RAD54B: variants seen among roughly 807,000 people sequenced by gnomAD.
The protein encoded by RAD54B is DNA repair and recombination protein RAD54B.
A neutral mutation model predicts 95.8 loss-of-function variants in RAD54B; 78 were observed. The ratio of observed to expected loss-of-function variants is 0.81; its 90% CI spans 0.68 to 0.98. The LOEUF is 0.98. RAD54B is among the 50% of genes least tolerant of loss of function. The pLI, the probability that RAD54B is intolerant of heterozygous loss-of-function variation, is 0.00. For missense variants in RAD54B, 957 were observed against 1,056.6 expected (o/e 0.91, Z 1.31); for synonymous variants, 328 against 354.9 (o/e 0.92, Z 0.85).
chr8:94,449,026 G>C (rs1812588441), intron 3 of RAD54B, among the ~76,000 whole-genome samples: 2 of 144,052 alleles, frequency 1.4e-5, no homozygotes, highest in African/African-American at 5.3e-5. Context: ...GTGTGCACAT[G>C]CATATACATA....
At chr8:94,427,103 TA>T (rs1811961037) in intron 3 of RAD54B, among the ~76,000 whole-genome samples, 1 of 152,038 alleles carries the variant, frequency 6.6e-6, no homozygotes, top group Non-Finnish European at 1.5e-5. Flanking sequence ...TTCTTAATGT[TA>T]GGGGAAAAAA....
At chr8:94,444,652 C>G (rs1380681445) in intron 3 of RAD54B, among the ~76,000 whole-genome samples, 1 of 152,176 alleles carries the variant, frequency 6.6e-6, no homozygotes, top group African/African-American at 2.4e-5. Context: ...TCCACTCAGC[C>G]CTGGAATACC....
intron 7 of RAD54B, 111 bp from the exon 8 acceptor site, chr8:94,399,732 T>A: frequency 3.7e-6 from 5 of 1,368,630 alleles, no homozygotes; most frequent in Non-Finnish European, 4.8e-6. Context: ...GTGTTAACTC[T>A]TTCTGTCTTA....
rs994739822 is a variant in RAD54B, at chr8:94,425,218, C to G, written c.305-13903G>C. Among the ~76,000 whole-genome samples, 13 of 148,770 alleles carry G rather than the reference C, an allele frequency of 8.7e-5. 1 individual carries two copies. Among genetic ancestry groups the G allele is most frequent in the Non-Finnish European group, 1.5e-4 (10 of 67,540 alleles). ...TAATTGTACAACCCATAAACCTAAGCCTTTAATATTCTTTTTTTTTTTTTT... is the reference window on the plus strand; with the variant it reads ...TAATTGTACAACCCATAAACCTAAGGCTTTAATATTCTTTTTTTTTTTTTT... On this transcript the variant is annotated intron_variant, in intron 3 of 14. Transcript: ENST00000336148.
intron 8 of RAD54B, among the ~76,000 whole-genome samples, chr8:94,397,355 G>C (rs1811172801): frequency 6.6e-6 from 1 of 152,036 alleles, no homozygotes; most frequent in South Asian, 2.1e-4. Context: ...CCAACTATGA[G>C]TATTTCTAAA....
rs1301279596 is a variant in RAD54B, at chr8:94,377,845, G to A, written c.2515+335C>T. 2.0e-5 allele frequency among the ~76,000 whole-genome samples: 3 copies of A among 149,126 alleles called. No homozygotes were observed. In the East Asian group the frequency reaches 6.0e-4, roughly 30 times the overall value. On this transcript the variant is annotated intron_variant, in intron 14 of 14. Transcript: ENST00000336148. ...CAAAAAATTAGCCGGGCGTGGTAGCGGGCGCCTGTAGTCCCAGCTACTCGG... is the reference window on the plus strand; with the variant it reads ...CAAAAAATTAGCCGGGCGTGGTAGCAGGCGCCTGTAGTCCCAGCTACTCGG...
At chr8:94,430,789 C>A in intron 3 of RAD54B, 6 of 985,350 alleles carry the variant, frequency 6.1e-6, no homozygotes, top group African/African-American at 1.7e-5. Flanking sequence ...GGTTTATCCC[C>A]GCATGTGAAA....
intron 3 of RAD54B, 82 bp from the exon 4 acceptor site, chr8:94,411,397 C>T (rs1003985529): frequency 2.6e-5 from 28 of 1,062,390 alleles, no homozygotes; most frequent in Non-Finnish European, 3.6e-5. Flanking sequence ...AACCAAAAGG[C>T]ACAAGAAAAT....
chr8:94,436,770 A>G (rs1812275512), intron 3 of RAD54B: 4 of 1,550,364 alleles, frequency 2.6e-6, no homozygotes, highest in Non-Finnish European at 3.5e-6. Flanking sequence ...AATGTTTATT[A>G]GTGTGTTCTT....
chr8:94,423,067 C>T (rs1007282932), intron 3 of RAD54B, among the ~76,000 whole-genome samples: 4 of 151,644 alleles, frequency 2.6e-5, no homozygotes, highest in African/African-American at 9.7e-5. Flanking sequence ...CCATTATTAC[C>T]CAATTTTTAT....
rs1811425761 is a variant in RAD54B, at chr8:94,407,611, G to A, written c.609C>T (p.Ser203=). 6.2e-7 allele frequency: 1 copy of A among 1,613,880 alleles called. No individual in the cohort carries two copies. Among genetic ancestry groups the A allele is most frequent in the Non-Finnish European group, 8.5e-7 (1 of 1,179,950 alleles). The change falls in exon 5 of 15, where the codon AGC becomes AGT. Residue 203 remains serine, a synonymous_variant. Transcript: ENST00000336148. The stretch of plus-strand genomic sequence containing the variant: ...CTCCAAGCTGAAAACACCTGCCACT[G>A]CTGAAGTCATCTGGAGAGATTACAC... ...VMGVISPDDF[S]SGRCFQLGGG...
At chr8:94,425,278 C>T (rs371945965) in intron 3 of RAD54B, among the ~76,000 whole-genome samples, 4 of 139,832 alleles carry the variant, frequency 2.9e-5, no homozygotes, top group Middle Eastern at 4.0e-3. Context: ...TGGTCTCCAA[C>T]TCCTGGACTC....
intron 3 of RAD54B, among the ~76,000 whole-genome samples, chr8:94,441,303 C>T (rs1243500919): frequency 6.6e-6 from 1 of 152,144 alleles, no homozygotes; most frequent in African/African-American, 2.4e-5. Context: ...GTCTGTGGCT[C>T]GTCCTGCTAC....
intron 3 of RAD54B, among the ~76,000 whole-genome samples, chr8:94,421,204 G>A (rs751484044): frequency 3.9e-5 from 6 of 152,150 alleles, no homozygotes; most frequent in Admixed American, 6.6e-5. Flanking sequence ...CACAGGTTGT[G>A]TTTTTAGTCC....
chr8:94,372,912 T>C (rs1810476889), intron 14 of RAD54B: 1 of 152,524 alleles, frequency 6.6e-6, no homozygotes, highest in Admixed American at 6.5e-5. Flanking sequence ...AAAAAAACCT[T>C]TTGAGCTTTC....
At chr8:94,449,378 C>T (rs941913591) in intron 3 of RAD54B, among the ~76,000 whole-genome samples, 3 of 151,930 alleles carry the variant, frequency 2.0e-5, no homozygotes, top group African/African-American at 4.8e-5. Context: ...GAGGCAGAGA[C>T]GGACGGACCA....
chr8:94,459,582 G>T (rs919620060), intron 2 of RAD54B, among the ~76,000 whole-genome samples: 1 of 152,246 alleles, frequency 6.6e-6, no homozygotes, highest in East Asian at 1.9e-4. Flanking sequence ...ACAAGAGGCC[G>T]GGCGCAGTGG....
intron 3 of RAD54B, among the ~76,000 whole-genome samples, chr8:94,446,933 T>G (rs1706630600): frequency 6.6e-6 from 1 of 151,634 alleles, no homozygotes; most frequent in African/African-American, 2.4e-5. Flanking sequence ...CATAAGATTA[T>G]GTTTGATATA....
chr8:94,404,376 G>T, intron 5 of RAD54B, 137 bp from the exon 6 acceptor site: 1 of 683,880 alleles, frequency 1.5e-6, no homozygotes, highest in Non-Finnish European at 2.2e-6. Context: ...TCACAGTAAT[G>T]TTACCCAAGG....
Sources: allele counts gnomAD v4.1 joint callset (sites outside exome capture counted in the v4.1 genomes callset), GRCh38; gene constraint gnomAD v4.1.1; transcripts MANE v1.5; gene names NCBI Gene and HGNC (gene_info 2026-07-23, HGNC 2026-07-21).